ZIM2: variants seen among roughly 807,000 people sequenced by gnomAD.
The protein encoded by ZIM2 is zinc finger imprinted 2, also known as zinc finger protein 656.
A neutral mutation model predicts 38.6 loss-of-function variants in ZIM2; 14 were observed. The observed-to-expected ratio is 0.36, with a 90% CI of 0.24 to 0.57. ZIM2 has a LOEUF of 0.57. ZIM2 is among the 20% of genes least tolerant of loss of function. The pLI, the probability that ZIM2 is intolerant of heterozygous loss-of-function variation, is 0.81. For missense variants in ZIM2, 680 were observed against 695.1 expected (o/e 0.98, Z 0.24); for synonymous variants, 247 against 245.8 (o/e 1.00, Z -0.04).
In ZIM2 at chr19:56,806,467, A is replaced by G. The variant is rs182134983; in HGVS notation, c.490+11279T>C. On this transcript the variant is annotated intron_variant, in intron 9 of 12. Coordinates refer to ENST00000629319, the MANE Select transcript of ZIM2 (RefSeq NM_001387356.1). ...GCTGGTTGTGACCTGGAAATCACAC[A>G]TACCTTTACTGTGCTCATCCCATGG... Among the ~76,000 whole-genome samples the G allele has an allele frequency of 1.1e-4, 16 of 152,328 alleles. 1 individual carries two copies. The East Asian group carries it at 2.9e-3, about 28-fold the overall frequency.
chr19:56,822,771 T>G lies in ZIM2; in HGVS notation c.172A>C (p.Thr58Pro). 1 of 1,614,166 alleles carries G rather than the reference T, an allele frequency of 6.2e-7. No individual in the cohort carries two copies. ...GACTCACTGCTTCTTGGGTTCCTGG[T>G]GTGGGACCAGCGGTCTCGTGGCTCC... ...DMEPRDRWSH[T>P]RNPRSRMPPR... Residue 58 changes from threonine to proline, a missense_variant, in exon 6 of 13, where the codon ACC becomes CCC. Transcript: ENST00000629319.
chr19:56,838,311 C>A (rs1410979871), intron 1 of ZIM2, among the ~76,000 whole-genome samples: 2 of 152,176 alleles, frequency 1.3e-5, no homozygotes, highest in African/African-American at 4.8e-5. Flanking sequence ...CCCCTGGGGC[C>A]GACCCAGGTG....
chr19:56,819,019 T>C (rs2146251344), intron 7 of ZIM2, among the ~76,000 whole-genome samples: 1 of 152,298 alleles, frequency 6.6e-6, no homozygotes, highest in African/African-American at 2.4e-5. Flanking sequence ...AGATAGTAAG[T>C]GCTAAACGGG....
intron 9 of ZIM2, among the ~76,000 whole-genome samples, chr19:56,809,388 C>T (rs967187833): frequency 6.6e-6 from 1 of 152,176 alleles, no homozygotes; most frequent in Non-Finnish European, 1.5e-5. Context: ...GCATGAAGTA[C>T]ACAATCATCT....
rs752997722 is a variant in ZIM2, at chr19:56,814,407, T to C, written c.490+3339A>G. ...GAAGCTCCTTATGTTTAGTGAGGAC[T>C]GTGCTATGAATAAAGGACTTACCAC... On this transcript the variant is annotated intron_variant, in intron 9 of 12. Coordinates refer to ENST00000629319, the MANE Select transcript of ZIM2 (RefSeq NM_001387356.1). This position sits in a 1 kb window ranked among gnomAD's most constrained non-coding sequence, Gnocchi z 5.8. 1 of 1,613,916 alleles carries C rather than the reference T, an allele frequency of 6.2e-7. No homozygotes were observed.
intron 10 of ZIM2, among the ~76,000 whole-genome samples, chr19:56,783,601 CTTA>C (rs2046437948): frequency 6.6e-6 from 1 of 152,166 alleles, no homozygotes. Context: ...CGTGTTCTCA[CTTA>C]TTAGTGGGAG....
intron 10 of ZIM2, among the ~76,000 whole-genome samples, chr19:56,784,050 G>C (rs1279613531): frequency 6.6e-6 from 1 of 151,946 alleles, no homozygotes; most frequent in Non-Finnish European, 1.5e-5. Context: ...TGCTCAAAAT[G>C]TTGTAGCAGT....
At chr19:56,817,981 T>C (rs1368693140) in intron 8 of ZIM2, 143 bp from the exon 9 acceptor site, 2 of 652,604 alleles carry the variant, frequency 3.1e-6, no homozygotes, top group Non-Finnish European at 5.4e-6. Flanking sequence ...ACATTTGCTG[T>C]CTCATTTCCC....
At chr19:56,791,774 A>G (rs1438239315) in intron 9 of ZIM2, among the ~76,000 whole-genome samples, 1 of 152,150 alleles carries the variant, frequency 6.6e-6, no homozygotes, top group Admixed American at 6.6e-5. Flanking sequence ...CACTATAAGG[A>G]CCCAGTGGCT....
At chr19:56,803,642 T>C (rs1436870771) in intron 9 of ZIM2, among the ~76,000 whole-genome samples, 2 of 152,194 alleles carry the variant, frequency 1.3e-5, no homozygotes, top group African/African-American at 2.4e-5. Context: ...CATTTTAAGA[T>C]TATTGGAAGC....
chr19:56,784,565 A>G (rs1232603654), intron 10 of ZIM2, among the ~76,000 whole-genome samples: 10 of 152,160 alleles, frequency 6.6e-5, no homozygotes, highest in Non-Finnish European at 1.2e-4. Flanking sequence ...TACTGTTCCC[A>G]AATGTTTTCC....
At chr19:56,816,629 C>G (rs55885735) in intron 9 of ZIM2, 25 of 1,613,664 alleles carry the variant, frequency 1.5e-5, no homozygotes, top group South Asian at 5.5e-5. Flanking sequence ...AAGGTTTCCC[C>G]GCGCTCACGT....
At chr19:56,798,441 T>A (rs1380155150) in intron 9 of ZIM2, 7 of 152,084 alleles carry the variant, frequency 4.6e-5, no homozygotes, top group African/African-American at 1.7e-4. Flanking sequence ...CCCCTCCTTA[T>A]ACCATATACA....
rs760839057 is a variant in ZIM2, at chr19:56,824,340, C to T, written c.-63G>A. On this transcript the variant is annotated 5_prime_UTR_variant, in exon 4 of 13. In the 5' UTR this introduces an upstream ATG that the reference lacks. Coordinates refer to ENST00000629319, the MANE Select transcript of ZIM2 (RefSeq NM_001387356.1). ...CAGTTCTCCGGCTTTTTTGCTCGCA[C>T]CCAAGGCTTGAGCTTTTCAGGGATG... 1 of 1,614,078 alleles carries T rather than the reference C, an allele frequency of 6.2e-7. No individual in the cohort carries two copies. Among genetic ancestry groups the T allele is most frequent in the East Asian group, 2.2e-5 (1 of 44,860 alleles).
At chr19:56,786,075 C>T (rs748142329) in intron 10 of ZIM2, among the ~76,000 whole-genome samples, 1 of 152,242 alleles carries the variant, frequency 6.6e-6, no homozygotes, top group Non-Finnish European at 1.5e-5. Flanking sequence ...CCCTAGGCAA[C>T]CACTAACATA....
chr19:56,793,650 C>T (rs1020506545), intron 9 of ZIM2, among the ~76,000 whole-genome samples: 1 of 152,098 alleles, frequency 6.6e-6, no homozygotes, highest in East Asian at 1.9e-4. Context: ...GGAATTAAAA[C>T]CCCAATAGGA....
intron 2 of ZIM2, among the ~76,000 whole-genome samples, chr19:56,834,155 T>C (rs373281718): frequency 3.9e-5 from 6 of 152,140 alleles, no homozygotes; most frequent in African/African-American, 1.4e-4. Flanking sequence ...AATTGGCTCA[T>C]CTGATTTTTT....
chr19:56,800,203 A>G (rs1015249890), intron 9 of ZIM2, among the ~76,000 whole-genome samples: 2 of 152,206 alleles, frequency 1.3e-5, no homozygotes, highest in Non-Finnish European at 2.9e-5. Context: ...CACAATAGAA[A>G]AAAAAGAATC....
At chr19:56,779,338 T>C (rs2046198475) in intron 12 of ZIM2, 39 bp downstream of exon 12, 1 of 1,605,256 alleles carries the variant, frequency 6.2e-7, no homozygotes, top group Non-Finnish European at 8.5e-7. Context: ...ATTTACTGGT[T>C]CCCCCTCCTA....
Sources: allele counts gnomAD v4.1 joint callset (sites outside exome capture counted in the v4.1 genomes callset), GRCh38; gene constraint gnomAD v4.1.1; non-coding constraint Gnocchi (gnomAD v3.1); transcripts MANE v1.5; gene names NCBI Gene and HGNC (gene_info 2026-07-23, HGNC 2026-07-21).